The following ZBTB17 variants were observed in gnomAD, a reference collection of about 807,000 sequenced individuals.
ZBTB17 encodes zinc finger and BTB domain containing 17.
ZBTB17 carries 24 observed loss-of-function variants against 85.1 expected under a neutral mutation model. The observed-to-expected ratio is 0.28, with a 90% CI of 0.20 to 0.40. The LOEUF (loss-of-function observed/expected upper bound fraction) is 0.40, where lower values mean the gene tolerates loss of function less well. ZBTB17 is among the 10% of genes least tolerant of loss of function. ZBTB17 has a pLI of 1.00. For missense variants in ZBTB17, 743 were observed against 1,105.1 expected, an observed-to-expected ratio of 0.67 and a Z score of 4.65; for synonymous variants, 464 against 460.2, an observed-to-expected ratio of 1.01 and a Z score of -0.11.
intron 2 of ZBTB17, among the ~76,000 whole-genome samples, chr1:15,957,102 C>G (rs2072071463): frequency 1.3e-5 from 2 of 150,990 alleles, no homozygotes; most frequent in Admixed American, 1.3e-4. Context: ...ATGCTTGAAC[C>G]TGGGAGGCAG....
At chr1:15,950,238 G>C (rs1179177029) in intron 2 of ZBTB17, among the ~76,000 whole-genome samples, 1 of 152,250 alleles carries the variant, frequency 6.6e-6, no homozygotes, top group East Asian at 1.9e-4. Flanking sequence ...GGAAGCAGCA[G>C]GTTCCTATCT....
chr1:15,966,034 CT>C lies in ZBTB17; in HGVS notation c.-3+7004del, dbSNP rs777981488. ...CCTTATTCTTTACACTGAACACATTCTTTTGTATGGAGTCAACATTTAACAA... is the reference window on the plus strand; with the variant it reads ...CCTTATTCTTTACACTGAACACATTCTTTGTATGGAGTCAACATTTAACAA... On this transcript the variant is annotated intron_variant, in intron 2 of 15. Transcript: ENST00000375743. The surrounding 1 kb of genome is among the most constrained non-coding windows in gnomAD (Gnocchi z 4.1). Among the ~76,000 whole-genome samples the C allele has an allele frequency of 1.3e-5, 2 of 152,202 alleles. No individual in the cohort carries two copies. Among genetic ancestry groups the C allele is most frequent in the Non-Finnish European group, 2.9e-5 (2 of 68,044 alleles).
intron 2 of ZBTB17, among the ~76,000 whole-genome samples, chr1:15,962,304 C>T (rs2072287425): frequency 6.6e-6 from 1 of 152,172 alleles, no homozygotes; most frequent in Non-Finnish European, 1.5e-5. Context: ...GGAAACTCAG[C>T]CTTGCTACTA....
intron 3 of ZBTB17, 58 bp downstream of exon 3, chr1:15,948,233 C>T: frequency 6.2e-7 from 1 of 1,605,030 alleles, no homozygotes; most frequent in Non-Finnish European, 8.5e-7. Context: ...TAGCATGGCA[C>T]AGGGCCGGCC....
intron 1 of ZBTB17, among the ~76,000 whole-genome samples, chr1:15,975,182 A>T (rs2072821249): frequency 6.6e-6 from 1 of 152,256 alleles, no homozygotes; most frequent in Non-Finnish European, 1.5e-5. Flanking sequence ...GATACAATTA[A>T]TAACAGCAAC....
In ZBTB17 at chr1:15,941,924, A is replaced by T. The variant is rs1163511245; in HGVS notation, c.*45T>A. On this transcript the variant is annotated 3_prime_UTR_variant, in exon 16 of 16. Coordinates refer to ENST00000375743, the MANE Select transcript of ZBTB17 (RefSeq NM_003443.3). ...GGAACAGGCCACCCTTCCCGGTTCC[A>T]GGGTGCCATCCATCCTTAAATAAAC... is the stretch of plus-strand genomic sequence containing the variant. The T allele has an allele frequency of 1.9e-6, 3 of 1,557,658 alleles. No individual in the cohort carries two copies. In the African/African-American group the frequency reaches 4.1e-5, roughly 21 times the overall value.
intron 2 of ZBTB17, among the ~76,000 whole-genome samples, chr1:15,959,506 GGAGA>G (rs1557788644): frequency 7.5e-6 from 1 of 133,112 alleles, no homozygotes; most frequent in Non-Finnish European, 1.6e-5. Context: ...GGAAGAGGGA[GGAGA>G]GGGAGGGAGG....
chr1:15,975,647 G>A (rs1322410415), intron 1 of ZBTB17, among the ~76,000 whole-genome samples: 2 of 151,372 alleles, frequency 1.3e-5, no homozygotes, highest in Non-Finnish European at 2.9e-5. Context: ...GCCCACCCTC[G>A]ACAGCGCGCG....
Position 15,945,110 on chromosome 1 carries a change from CCTT to C in ZBTB17, c.751_753del (p.Lys251del). The C allele has an allele frequency of 6.2e-7, 1 of 1,609,578 alleles. No individual in the cohort carries two copies. Among genetic ancestry groups the C allele is most frequent in the African/African-American group, 1.3e-5 (1 of 75,006 alleles). Reference sequence around the variant, plus strand: ...CCGTTCTCCAGCTGGGAACCCTCCTCCTTGACCTCAGCTGGCCCTGCGCCCTCC... The same window carrying C: ...CCGTTCTCCAGCTGGGAACCCTCCTCGACCTCAGCTGGCCCTGCGCCCTCC... On this transcript the variant is annotated inframe_deletion, in exon 7 of 16. Transcript: ENST00000375743.
intron 2 of ZBTB17, among the ~76,000 whole-genome samples, chr1:15,955,389 A>C (rs1341099904): frequency 6.6e-6 from 1 of 152,180 alleles, no homozygotes; most frequent in African/African-American, 2.4e-5. Context: ...TGGATTTCTC[A>C]AACTTTTAAA....
rs774500867 is a variant in ZBTB17, at chr1:15,945,709, G to A, written c.661+6C>T. The A allele has an allele frequency of 3.1e-6, 5 of 1,606,874 alleles. No homozygotes were observed. The highest frequency in any genetic ancestry group is 4.2e-6 in the Non-Finnish European group (5 of 1,179,810). On this transcript the variant is annotated splice_donor_region_variant and intron_variant, in intron 6 of 15. Coordinates refer to ENST00000375743, the MANE Select transcript of ZBTB17 (RefSeq NM_003443.3). ...GTAGGGCCTGGTCCTGGCTGGGCGG[G>A]GCTACCTTGCTCCGAGCTCTCGGAC...
At chr1:15,943,960 C>T (rs2071470999) in intron 9 of ZBTB17, 65 bp from the exon 10 acceptor site, 1 of 1,445,574 alleles carries the variant, frequency 6.9e-7, no homozygotes, top group Non-Finnish European at 9.5e-7. Flanking sequence ...CCTCACCTGC[C>T]CCTCCCACAA....
chr1:15,963,397 G>A (rs1436258403), intron 2 of ZBTB17, among the ~76,000 whole-genome samples: 2 of 152,226 alleles, frequency 1.3e-5, no homozygotes, highest in Non-Finnish European at 2.9e-5. Context: ...GTAATACTGA[G>A]AGGTCAAAAC....
chr1:15,947,295 C>T (rs1054920850), intron 3 of ZBTB17, 172 bp from the exon 4 acceptor site: 2 of 644,574 alleles, frequency 3.1e-6, no homozygotes, highest in South Asian at 4.0e-5. Flanking sequence ...GGGATCTCAG[C>T]ACTACCAACA....
At chr1:15,971,502 TACACACACACTATATATATAC>T (rs1442034399) in intron 2 of ZBTB17, among the ~76,000 whole-genome samples, 4,388 of 26,856 alleles carry the variant, frequency 0.16, 380 homozygotes, top group African/African-American at 0.42. Flanking sequence ...TATATATATA[TACACACACACTATATATATAC>T]ACACACACTA....
intron 2 of ZBTB17, among the ~76,000 whole-genome samples, chr1:15,959,336 A>G (rs574461248): frequency 6.6e-6 from 1 of 152,270 alleles, no homozygotes; most frequent in African/African-American, 2.4e-5. Context: ...AAAACTGGTA[A>G]AGAGAAGCCC....
Position 15,946,194 on chromosome 1 carries a change from G to A in ZBTB17, c.495C>T (p.Leu165=). 6.2e-7 allele frequency: 1 copy of A among 1,612,258 alleles called. No homozygotes were observed. The highest frequency in any genetic ancestry group is 8.5e-7 in the Non-Finnish European group (1 of 1,180,010). ...RSTPIGPSRD[L]KEERGGQAQS... is the part of the protein sequence containing the mutation. ...GGGCCTGACCGCCGCGCTCCTCCTTGAGGTCCCTGCTGGGGCCTATGGGTG... is the reference window on the plus strand; with the variant it reads ...GGGCCTGACCGCCGCGCTCCTCCTTAAGGTCCCTGCTGGGGCCTATGGGTG... Residue 165 remains leucine (L), a synonymous_variant, in exon 5 of 16, where the codon CTC becomes CTT. Coordinates refer to ENST00000375743, the MANE Select transcript of ZBTB17 (RefSeq NM_003443.3).
At chr1:15,974,405 G>A (rs1217141244) in intron 1 of ZBTB17, among the ~76,000 whole-genome samples, 2 of 150,048 alleles carry the variant, frequency 1.3e-5, no homozygotes, top group African/African-American at 2.5e-5. Flanking sequence ...AAACTCCTGG[G>A]CTCAAATGAT....
chr1:15,963,667 T>A (rs1452777693), intron 2 of ZBTB17, among the ~76,000 whole-genome samples: 1 of 152,152 alleles, frequency 6.6e-6, no homozygotes, highest in African/African-American at 2.4e-5. Context: ...AGCCCAAATT[T>A]ACACCTTATG....
Sources: allele counts gnomAD v4.1 joint callset (sites outside exome capture counted in the v4.1 genomes callset), GRCh38; gene constraint gnomAD v4.1.1; non-coding constraint Gnocchi (gnomAD v3.1); transcripts MANE v1.5; gene names NCBI Gene and HGNC (gene_info 2026-07-23, HGNC 2026-07-21).